SHISAL1: variants seen among roughly 807,000 people sequenced by gnomAD.
SHISAL1 encodes shisa like 1.
A neutral mutation model predicts 22.6 loss-of-function variants in SHISAL1; 9 were observed. The observed-to-expected ratio is 0.40, with a 90% confidence interval of 0.24 to 0.70. SHISAL1 has a LOEUF of 0.70. SHISAL1 is among the 30% of genes least tolerant of loss of function. The pLI, the probability that SHISAL1 is intolerant of heterozygous loss-of-function variation, is 0.39. For missense variants in SHISAL1, 246 were observed against 270.6 expected, an observed-to-expected ratio of 0.91 and a Z score of 0.64; for synonymous variants, 119 against 115.4, an observed-to-expected ratio of 1.03 and a Z score of -0.20.
At chr22:44,307,971 C>G (rs560888827) in intron 1 of SHISAL1, among the ~76,000 whole-genome samples, 60 of 152,300 alleles carry the variant, frequency 3.9e-4, no homozygotes, top group Middle Eastern at 3.4e-3. Flanking sequence ...TCCAGCCAGC[C>G]CCTCCTCAGC....
intron 4 of SHISAL1, among the ~76,000 whole-genome samples, chr22:44,280,430 C>T (rs2055268194): frequency 6.6e-6 from 1 of 152,142 alleles, no homozygotes; most frequent in Non-Finnish European, 1.5e-5. Flanking sequence ...TCCTGCTGAG[C>T]CCAGTCCCCA....
chr22:44,314,464 CAT>C (rs1569229262), upstream of SHISAL1, among the ~76,000 whole-genome samples: 1 of 152,156 alleles, frequency 6.6e-6, no homozygotes, highest in Non-Finnish European at 1.5e-5. Flanking sequence ...ACACCTATGA[CAT>C]AGAAAAGTAT....
intron 4 of SHISAL1, among the ~76,000 whole-genome samples, chr22:44,274,518 G>A (rs2055226356): frequency 6.6e-6 from 1 of 152,136 alleles, no homozygotes; most frequent in African/African-American, 2.4e-5. Flanking sequence ...CTGCCCCCAG[G>A]AGAGCTGGGA....
chr22:44,276,990 G>A (rs2055244500), intron 4 of SHISAL1, among the ~76,000 whole-genome samples: 1 of 152,176 alleles, frequency 6.6e-6, no homozygotes, highest in Non-Finnish European at 1.5e-5. Context: ...GTTCCCCTCA[G>A]CCCCTCCCTC....
At chr22:44,329,468 C>T in the SHISAL1 span, among the ~76,000 whole-genome samples, 5 of 152,082 alleles carry the variant, frequency 3.3e-5, no homozygotes, top group Non-Finnish European at 5.9e-5. Flanking sequence ...CACACACGCG[C>T]GGCTCTAAGC....
At chr22:44,330,231 T>C in the SHISAL1 span, among the ~76,000 whole-genome samples, 5 of 152,220 alleles carry the variant, frequency 3.3e-5, no homozygotes, top group African/African-American at 1.2e-4. Context: ...CAGCCTTTGG[T>C]GGTGGGCATG....
chr22:44,320,882 C>G, the SHISAL1 span, among the ~76,000 whole-genome samples: 2 of 152,226 alleles, frequency 1.3e-5, no homozygotes, highest in East Asian at 1.9e-4. Context: ...TGGAGTCTCA[C>G]CAGAGGCCAG....
chr22:44,325,428 A>C, the SHISAL1 span, among the ~76,000 whole-genome samples: 2 of 152,020 alleles, frequency 1.3e-5, no homozygotes, highest in Non-Finnish European at 2.9e-5. Flanking sequence ...CATCACCGGG[A>C]CCCAGGTCTT....
At chr22:44,269,518 CCA>C (rs904990907) in intron 4 of SHISAL1, among the ~76,000 whole-genome samples, 2 of 92,826 alleles carry the variant, frequency 2.2e-5, no homozygotes, top group East Asian at 2.8e-4. Context: ...TGCTGCAGAC[CCA>C]CACAATATAC....
chr22:44,260,043 A>G (rs1352516369), intron 4 of SHISAL1, among the ~76,000 whole-genome samples: 1 of 152,038 alleles, frequency 6.6e-6, no homozygotes, highest in Non-Finnish European at 1.5e-5. Flanking sequence ...TTTACAGCCT[A>G]GCTCTGTCCA....
intron 3 of SHISAL1, among the ~76,000 whole-genome samples, chr22:44,293,746 C>T (rs1189001048): frequency 1.3e-5 from 2 of 152,148 alleles, no homozygotes; most frequent in South Asian, 2.1e-4. Context: ...GTAGCTGCAG[C>T]GGCATGATGA....
chr22:44,274,172 G>A (rs1178225955), intron 4 of SHISAL1, among the ~76,000 whole-genome samples: 1 of 151,712 alleles, frequency 6.6e-6, no homozygotes, highest in Non-Finnish European at 1.5e-5. Flanking sequence ...CTTGAACCTG[G>A]GAGGCGGAGG....
the SHISAL1 span, among the ~76,000 whole-genome samples, chr22:44,320,957 G>A: frequency 1.8e-4 from 27 of 152,348 alleles, 1 homozygote; most frequent in South Asian, 5.4e-3. Context: ...CAAGACACAA[G>A]CAACTGGGAA....
Position 44,296,590 on chromosome 22 carries a change from C to T in SHISAL1, c.281+82G>A, listed in dbSNP as rs369804772. 3.1e-5 allele frequency: 40 copies of T among 1,282,316 alleles called. No individual in the cohort carries two copies. In the East Asian group the frequency reaches 4.2e-4, roughly 13 times the overall value. 79.4% of individuals were successfully genotyped at this position (1,282,316 alleles called of 1,614,324 possible). A position where few individuals can be genotyped will look rare whatever the true frequency, so the allele number is the denominator to read the frequency against. On this transcript the variant is annotated intron_variant, in intron 3 of 4. Transcript: ENST00000381176. Reference sequence around the variant, plus strand: ...CCTTATAGCGGTTACCCAACCGCCTCCCTAGGGGACGCGATTTTGGGAGGC... The same window carrying T: ...CCTTATAGCGGTTACCCAACCGCCTTCCTAGGGGACGCGATTTTGGGAGGC...
chr22:44,298,499 C>T (rs2055403214), intron 2 of SHISAL1, among the ~76,000 whole-genome samples: 1 of 152,248 alleles, frequency 6.6e-6, no homozygotes, highest in African/African-American at 2.4e-5. Flanking sequence ...CGGCAAGGGG[C>T]AGAGGCAGCT....
chr22:44,265,095 C>T (rs73430739), intron 4 of SHISAL1, among the ~76,000 whole-genome samples: 6,439 of 152,278 alleles, frequency 0.042, 384 homozygotes, highest in East Asian at 0.16. Context: ...CAGCCCCCTA[C>T]TCTGATTCTA....
intron 3 of SHISAL1, among the ~76,000 whole-genome samples, chr22:44,286,637 A>T (rs1309295030): frequency 6.6e-6 from 1 of 152,050 alleles, no homozygotes; most frequent in African/African-American, 2.4e-5. Context: ...CCTCCTACGC[A>T]GCTGGGTCAA....
intron 3 of SHISAL1, among the ~76,000 whole-genome samples, chr22:44,296,073 A>G (rs2055383500): frequency 6.6e-6 from 1 of 152,232 alleles, no homozygotes; most frequent in Non-Finnish European, 1.5e-5. Flanking sequence ...TCTACGCCTG[A>G]AAGCTTTCCA....
At chr22:44,318,874 T>C in the SHISAL1 span, among the ~76,000 whole-genome samples, 1 of 152,190 alleles carries the variant, frequency 6.6e-6, no homozygotes, top group Admixed American at 6.5e-5. Flanking sequence ...ACACAGCTCA[T>C]ATGTGGCAGA....
Sources: gnomAD v4.1 joint callset for allele counts (sites outside exome capture counted in the v4.1 genomes callset) on GRCh38, gnomAD v4.1.1 for gene constraint, MANE v1.5 for transcripts, NCBI Gene and HGNC (gene_info 2026-07-23, HGNC 2026-07-21) for gene names.